Variants in TF observed in about 807,000 individuals in gnomAD.
TF encodes serotransferrin.
TF carries 55 observed loss-of-function variants against 82.4 expected under a neutral mutation model. The observed-to-expected ratio is 0.67, with a 90% CI of 0.54 to 0.84. The LOEUF is 0.84. TF is among the 40% of genes least tolerant of loss of function. The pLI is 0.00. For missense variants in TF, 737 were observed against 868.4 expected, an observed-to-expected ratio of 0.85 and a Z score of 1.90; for synonymous variants, 332 against 332.6, an observed-to-expected ratio of 1.00 and a Z score of 0.02.
the TF span, among the ~76,000 whole-genome samples, chr3:133,711,531 C>T: frequency 6.6e-6 from 1 of 152,134 alleles, no homozygotes; most frequent in East Asian, 1.9e-4. Flanking sequence ...CCACTGGAAG[C>T]CTCATCCTCC....
At chr3:133,726,290 A>G in the TF span, among the ~76,000 whole-genome samples, 44 of 147,732 alleles carry the variant, frequency 3.0e-4, no homozygotes, top group Middle Eastern at 3.4e-3. Flanking sequence ...CTGGTCCTGG[A>G]CTTTTTTTTG....
At position 133,766,397 on chromosome 3, in the gene TF, G is replaced by A; in HGVS notation, c.1450G>A (p.Gly484Ser). 6.2e-7 allele frequency: 1 copy of A among 1,614,154 alleles called. No individual in the cohort carries two copies. The highest frequency in any genetic ancestry group is 2.2e-5 in the East Asian group (1 of 44,868). ...AACCGCTGGCTGGAACATCCCCATG[G>A]GCCTGCTCTACAATAAGATCAACCA... ...GRTAGWNIPM[G>S]LLYNKINHCR... The change falls in exon 12 of 17, where the codon GGC (glycine) becomes AGC (serine). Residue 484 changes from glycine (G) to serine (S), a missense_variant. By Grantham distance (56) the Gly-to-Ser change is moderately conservative (BLOSUM62 0). Transcript: ENST00000402696.
the TF span, among the ~76,000 whole-genome samples, chr3:133,733,522 T>A: frequency 6.6e-6 from 1 of 152,168 alleles, no homozygotes; most frequent in African/African-American, 2.4e-5. Flanking sequence ...CAGTGGCCCT[T>A]CTAGCTGTCA....
chr3:133,669,118 G>C, the TF span, among the ~76,000 whole-genome samples: 1 of 151,658 alleles, frequency 6.6e-6, no homozygotes, highest in East Asian at 1.9e-4. Context: ...TTCTTGCCTT[G>C]ACCTCCCGAG....
At chr3:133,775,728 T>G in intron 15 of TF, 111 bp downstream of exon 15, 1 of 1,112,720 alleles carries the variant, frequency 9.0e-7, no homozygotes, top group South Asian at 1.3e-5. Flanking sequence ...TTTTGAAAAC[T>G]AGAATTCCAT....
chr3:133,732,869 C>T, the TF span, among the ~76,000 whole-genome samples: 1 of 152,210 alleles, frequency 6.6e-6, no homozygotes, highest in African/African-American at 2.4e-5. Flanking sequence ...GCACTGAGAG[C>T]TTGGGTGACT....
chr3:133,778,769 AATT>A lies in TF; in HGVS notation c.*156_*158del, dbSNP rs1934456951. ...CCATGTGTGCTGAACAAAAAATAAA[AATT>A]ATTATTGATTTTATATTTCAAAAAC... On this transcript the variant is annotated 3_prime_UTR_variant, in exon 17 of 17. Transcript: ENST00000402696. The A allele has an allele frequency of 4.4e-6, 3 of 684,148 alleles. No individual in the cohort carries two copies. The highest frequency in any genetic ancestry group is 1.8e-5 in the African/African-American group (1 of 54,136). 42.4% of individuals were successfully genotyped at this position (684,148 alleles called of 1,614,324 possible).
At chr3:133,673,987 G>T in the TF span, among the ~76,000 whole-genome samples, 3 of 152,154 alleles carry the variant, frequency 2.0e-5, no homozygotes, top group Non-Finnish European at 4.4e-5. Context: ...GCAGAGGGCT[G>T]CTGGGGACAG....
chr3:133,724,994 T>C, the TF span, among the ~76,000 whole-genome samples: 1 of 152,200 alleles, frequency 6.6e-6, no homozygotes, highest in African/African-American at 2.4e-5. Context: ...CTGAGGGCTC[T>C]GTTCTGTTCC....
the TF span, among the ~76,000 whole-genome samples, chr3:133,680,258 A>G: frequency 1.4e-5 from 2 of 148,098 alleles, no homozygotes; most frequent in South Asian, 4.3e-4. Flanking sequence ...CAGGCTGGAG[A>G]GCAGTGGCAC....
the TF span, among the ~76,000 whole-genome samples, chr3:133,720,134 A>G: frequency 6.6e-6 from 1 of 152,064 alleles, no homozygotes; most frequent in Non-Finnish European, 1.5e-5. Context: ...TCCAATATTA[A>G]GATGAATAGA....
chr3:133,705,331 G>T, the TF span, among the ~76,000 whole-genome samples: 1 of 151,576 alleles, frequency 6.6e-6, no homozygotes, highest in East Asian at 1.9e-4. Flanking sequence ...ACTGAATCCA[G>T]ATCTTTCTGA....
upstream of TF, chr3:133,746,159 T>C (rs1252476979): frequency 1.8e-5 from 10 of 543,672 alleles, no homozygotes; most frequent in Non-Finnish European, 3.0e-5. Context: ...GCGATGACAA[T>C]GGCTGCATTG....
chr3:133,769,859 T>A (rs887091008), intron 13 of TF, among the ~76,000 whole-genome samples: 5 of 152,172 alleles, frequency 3.3e-5, no homozygotes, highest in African/African-American at 1.2e-4. Flanking sequence ...CTAACCAGAG[T>A]TTATTTTGTT....
chr3:133,679,634 T>G, the TF span, among the ~76,000 whole-genome samples: 2 of 150,870 alleles, frequency 1.3e-5, no homozygotes, highest in Non-Finnish European at 2.9e-5. Flanking sequence ...TGTTCTTGTG[T>G]GTAGCATGCT....
the TF span, among the ~76,000 whole-genome samples, chr3:133,720,864 G>A: frequency 6.6e-6 from 1 of 151,846 alleles, no homozygotes; most frequent in Non-Finnish European, 1.5e-5. Flanking sequence ...TTTCTTCTAT[G>A]TTATCAAATT....
At chr3:133,751,868 G>A (rs975955826) in intron 2 of TF, among the ~76,000 whole-genome samples, 16 of 151,880 alleles carry the variant, frequency 1.1e-4, no homozygotes, top group Admixed American at 8.5e-4. Flanking sequence ...GATGGCAGGC[G>A]CCTTAATCCC....
At chr3:133,668,175 G>A in the TF span, among the ~76,000 whole-genome samples, 7 of 152,202 alleles carry the variant, frequency 4.6e-5, no homozygotes, top group African/African-American at 1.2e-4. Context: ...TGAAGGTTAC[G>A]AACATTTTGA....
chr3:133,734,003 C>G, the TF span, among the ~76,000 whole-genome samples: 3 of 152,118 alleles, frequency 2.0e-5, no homozygotes, highest in Non-Finnish European at 4.4e-5. Flanking sequence ...GAGAAATGAG[C>G]AAAGAGCTGA....
Sources: allele counts gnomAD v4.1 joint callset (sites outside exome capture counted in the v4.1 genomes callset), GRCh38; gene constraint gnomAD v4.1.1; transcripts MANE v1.5; gene names NCBI Gene and HGNC (gene_info 2026-07-23, HGNC 2026-07-21).